ASCC3: variants seen among roughly 807,000 people sequenced by gnomAD.
ASCC3 encodes ASC-1 complex subunit P200.
In ASCC3, 158 loss-of-function variants were observed where a neutral mutation model predicts 256.3. That is an observed-to-expected ratio of 0.62 (90% confidence interval 0.54 to 0.70). The LOEUF (loss-of-function observed/expected upper bound fraction) is 0.70. ASCC3 is among the 30% of genes least tolerant of loss of function. The pLI is 0.00. For missense variants in ASCC3, 2,259 were observed against 2,626.0 expected (o/e 0.86, Z 3.05); for synonymous variants, 948 against 883.4 (o/e 1.07, Z -1.30).
intron 24 of ASCC3, among the ~76,000 whole-genome samples, chr6:100,639,251 G>A (rs957429646): frequency 6.6e-6 from 1 of 152,210 alleles, no homozygotes; most frequent in Non-Finnish European, 1.5e-5. Flanking sequence ...GAGCAGTTGA[G>A]TTAACTATTG....
chr6:100,527,443 T>A (rs1465660317), intron 37 of ASCC3, among the ~76,000 whole-genome samples: 1 of 152,186 alleles, frequency 6.6e-6, no homozygotes, highest in East Asian at 1.9e-4. Context: ...ACCAAGTACT[T>A]CTATTGTTAA....
rs552748699 is a variant in ASCC3, at chr6:100,594,741, A to G, written c.5304-4682T>C. Among the ~76,000 whole-genome samples the G allele has an allele frequency of 2.6e-5, 4 of 152,256 alleles. No homozygotes were observed. The East Asian group carries it at 5.8e-4, about 22-fold the overall frequency. On this transcript the variant is annotated intron_variant, in intron 34 of 41. Transcript: ENST00000369162. ...AAGAGACGTCTGCACTCCTATGTTC[A>G]CTGCAGCATTATTCACAATAGCCAA...
chr6:100,539,302 C>T (rs1007815564), intron 37 of ASCC3, among the ~76,000 whole-genome samples: 3 of 152,102 alleles, frequency 2.0e-5, no homozygotes, highest in Non-Finnish European at 4.4e-5. Context: ...AGAATACCCA[C>T]AATTATCTGA....
At chr6:100,606,930 T>C (rs1230791509) in intron 31 of ASCC3, 21 bp downstream of exon 31, 3 of 1,612,752 alleles carry the variant, frequency 1.9e-6, no homozygotes, top group Admixed American at 1.7e-5. Flanking sequence ...AAATATGTGT[T>C]CACTGGAGAA....
intron 30 of ASCC3, among the ~76,000 whole-genome samples, chr6:100,623,252 A>C (rs1774054627): frequency 6.6e-6 from 1 of 152,162 alleles, no homozygotes; most frequent in Non-Finnish European, 1.5e-5. Context: ...ATTTTCTTAA[A>C]TATCTGGTAT....
Position 100,574,444 on chromosome 6 carries a change from T to C in ASCC3, c.5550+15190A>G, listed in dbSNP as rs113282512. 5.3e-5 allele frequency among the ~76,000 whole-genome samples: 8 copies of C among 152,222 alleles called. 1 individual carries two copies. Among genetic ancestry groups the C allele is most frequent in the African/African-American group, 1.9e-4 (8 of 41,558 alleles). The stretch of plus-strand genomic sequence containing the variant: ...CTTTTCCCTGTTGGGAGCTGAGTTT[T>C]TATATTATTTTTCCATAGTAGTTGT... On this transcript the variant is annotated intron_variant, in intron 36 of 41. Coordinates refer to ENST00000369162, the MANE Select transcript of ASCC3 (RefSeq NM_006828.4).
At position 100,769,440 on chromosome 6, in the gene ASCC3, G is replaced by A. The variant is rs571866588; in HGVS notation, c.1396-2095C>T. ...CTAATTACCCTGATTTGATCATTGC[G>A]CAGAATATACATGCATTAACATATC... On this transcript the variant is annotated intron_variant, in intron 8 of 41. Coordinates refer to ENST00000369162, the MANE Select transcript of ASCC3 (RefSeq NM_006828.4). Among the ~76,000 whole-genome samples the A allele has an allele frequency of 1.6e-4, 24 of 151,640 alleles. No individual in the cohort carries two copies. In the South Asian group the frequency reaches 1.9e-3, roughly 12 times the overall value.
At chr6:100,588,625 A>T (rs1464894696) in intron 36 of ASCC3, among the ~76,000 whole-genome samples, 3 of 152,160 alleles carry the variant, frequency 2.0e-5, no homozygotes, top group Non-Finnish European at 4.4e-5. Flanking sequence ...TTATTACAGG[A>T]TCTACCTATC....
chr6:100,741,416 G>T (rs1196484523), intron 10 of ASCC3, among the ~76,000 whole-genome samples: 1 of 152,102 alleles, frequency 6.6e-6, no homozygotes, highest in Non-Finnish European at 1.5e-5. Context: ...TCCAGAATTT[G>T]AATGTTGGCC....
At chr6:100,711,007 C>G (rs900324941) in intron 13 of ASCC3, among the ~76,000 whole-genome samples, 1 of 152,032 alleles carries the variant, frequency 6.6e-6, no homozygotes, top group Non-Finnish European at 1.5e-5. Context: ...TTACAATAGT[C>G]TATGTTTATT....
chr6:100,655,943 G>A, intron 16 of ASCC3, 125 bp from the exon 17 acceptor site: 2 of 1,129,868 alleles, frequency 1.8e-6, no homozygotes, highest in South Asian at 2.6e-5. Context: ...TAAAAAGGTA[G>A]GCATAGTGAC....
At position 100,747,436 on chromosome 6, in the gene ASCC3, G is replaced by A. The variant is rs979831237; in HGVS notation, c.1737+19129C>T. 1.3e-4 allele frequency among the ~76,000 whole-genome samples: 20 copies of A among 152,008 alleles called. 1 individual carries two copies. Among genetic ancestry groups the A allele is most frequent in the Non-Finnish European group, 2.1e-4 (14 of 67,950 alleles). On this transcript the variant is annotated intron_variant, in intron 10 of 41. Coordinates refer to ENST00000369162, the MANE Select transcript of ASCC3 (RefSeq NM_006828.4). ...TGCGTCCATACAAATACTTGTACAT[G>A]AATGTTCACAGCAGATTTGTAACAG...
chr6:100,582,059 G>C (rs1275718152), intron 36 of ASCC3, among the ~76,000 whole-genome samples: 1 of 151,974 alleles, frequency 6.6e-6, no homozygotes, highest in East Asian at 1.9e-4. Context: ...GGATTGACTT[G>C]GTGATGCGGG....
intron 36 of ASCC3, among the ~76,000 whole-genome samples, chr6:100,582,289 A>C (rs960819005): frequency 4.6e-5 from 7 of 152,078 alleles, no homozygotes; most frequent in African/African-American, 1.7e-4. Flanking sequence ...TTCTCCTTGA[A>C]AAGGTCCTTC....
chr6:100,742,255 T>A (rs1358055489), intron 10 of ASCC3, among the ~76,000 whole-genome samples: 1 of 152,134 alleles, frequency 6.6e-6, no homozygotes, highest in African/African-American at 2.4e-5. Flanking sequence ...GGAAGCTCCA[T>A]CCCAGGGGGT....
intron 37 of ASCC3, among the ~76,000 whole-genome samples, chr6:100,519,587 GAGAAAA>G: frequency 6.6e-6 from 1 of 152,214 alleles, no homozygotes; most frequent in Admixed American, 6.5e-5. Context: ...ACAAAGGGAA[GAGAAAA>G]GGAAAAGAGA....
chr6:100,683,303 G>A (rs1777396334), intron 13 of ASCC3, among the ~76,000 whole-genome samples: 1 of 151,956 alleles, frequency 6.6e-6, no homozygotes, highest in South Asian at 2.1e-4. Context: ...AGAACATAAG[G>A]GAAAACAGAA....
At chr6:100,785,125 A>G (rs1339904255) in intron 8 of ASCC3, among the ~76,000 whole-genome samples, 1 of 152,146 alleles carries the variant, frequency 6.6e-6, no homozygotes, top group Admixed American at 6.6e-5. Context: ...CGATAAAAAT[A>G]TATTTTGAAT....
rs1773632607 is a variant in ASCC3, at chr6:100,509,122, A to G, written c.*264T>C. The stretch of plus-strand genomic sequence containing the variant: ...TAAATATCATCCCAAATATACACAA[A>G]TTAAAAGATTATTCTAAATGCTTTT... On this transcript the variant is annotated 3_prime_UTR_variant, in exon 42 of 42. Transcript: ENST00000369162. 4.4e-6 allele frequency: 2 copies of G among 452,500 alleles called. No homozygotes were observed. Among genetic ancestry groups the G allele is most frequent in the Non-Finnish European group, 8.1e-6 (2 of 246,558 alleles). 28.0% of individuals were successfully genotyped at this position (452,500 alleles called of 1,614,324 possible).
Sources: gnomAD v4.1 joint callset for allele counts (sites outside exome capture counted in the v4.1 genomes callset) on GRCh38, gnomAD v4.1.1 for gene constraint, MANE v1.5 for transcripts, NCBI Gene and HGNC (gene_info 2026-07-23, HGNC 2026-07-21) for gene names.